Variants in NFATC1 observed in about 807,000 individuals in gnomAD.
NFATC1 encodes nuclear factor of activated T cells 1.
A neutral mutation model predicts 76.0 loss-of-function variants in NFATC1; 22 were observed. The observed-to-expected ratio is 0.29, with a 90% confidence interval of 0.21 to 0.41. The LOEUF is 0.41. Ranked by LOEUF, NFATC1 falls within the 10% of genes least tolerant of loss-of-function variation. The probability of loss-of-function intolerance (pLI) is 1.00; values close to 1 mark genes in which losing one functional copy is unlikely to be tolerated. For synonymous variants in NFATC1, 704 were observed against 613.1 expected, an observed-to-expected ratio of 1.15 and a Z score of -2.19; for missense variants, 1,357 against 1,337.7, an observed-to-expected ratio of 1.01 and a Z score of -0.23.
intron 2 of NFATC1, among the ~76,000 whole-genome samples, chr18:79,420,619 G>C (rs996291920): frequency 1.3e-5 from 2 of 151,678 alleles, no homozygotes; most frequent in African/African-American, 4.9e-5. Context: ...TCGCTGCAGA[G>C]GGGAAGAGGT....
intron 3 of NFATC1, among the ~76,000 whole-genome samples, chr18:79,439,514 A>G (rs59209224): frequency 0.017 from 2,631 of 152,330 alleles, 72 homozygotes; most frequent in African/African-American, 0.059. Context: ...TGGAACCTAG[A>G]CAACAGCCCT....
intron 2 of NFATC1, among the ~76,000 whole-genome samples, chr18:79,425,740 AG>A (rs991773939): frequency 1.3e-5 from 2 of 152,216 alleles, no homozygotes; most frequent in Non-Finnish European, 2.9e-5. Flanking sequence ...GGGACATGGC[AG>A]GGCCTCAGGC....
At chr18:79,445,860 C>T (rs1307682490) in intron 3 of NFATC1, among the ~76,000 whole-genome samples, 2 of 152,166 alleles carry the variant, frequency 1.3e-5, no homozygotes, top group Non-Finnish European at 2.9e-5. Context: ...CCTCCCTCCC[C>T]TGGGTGCACG....
chr18:79,414,734 A>C (rs1002850123), intron 2 of NFATC1, among the ~76,000 whole-genome samples: 1 of 152,160 alleles, frequency 6.6e-6, no homozygotes, highest in African/African-American at 2.4e-5. Flanking sequence ...TAAGCTGTGA[A>C]TTCTGGCATC....
chr18:79,448,960 T>A lies in NFATC1; in HGVS notation c.1565T>A (p.Leu522Gln), dbSNP rs1480437515. Residue 522 changes from leucine (L) to glutamine (Q), a missense_variant, in exon 4 of 10, where the codon CTG (leucine) becomes CAG (glutamine). Leu to Gln is a moderately radical substitution (Grantham distance 113, BLOSUM62 -2). Transcript: ENST00000427363. ...SNTKVLEIPL[L>Q]PENSMRAVID... ...ACCAAAGTCCTGGAGATCCCACTCC[T>A]GCCGGAGAACAGCATGCGAGCCGTG... 2.5e-6 allele frequency: 4 copies of A among 1,613,280 alleles called. No homozygotes were observed. Among genetic ancestry groups the A allele is most frequent in the Non-Finnish European group, 3.4e-6 (4 of 1,179,998 alleles).
chr18:79,416,058 G>A (rs568049068), intron 2 of NFATC1, among the ~76,000 whole-genome samples: 16 of 152,294 alleles, frequency 1.1e-4, no homozygotes, highest in African/African-American at 1.4e-4. Flanking sequence ...GCGAGACTCC[G>A]TCTCCAAACA....
chr18:79,411,196 C>T lies in NFATC1; in HGVS notation c.921C>T (p.Tyr307=), dbSNP rs1436668948. The change falls in exon 2 of 10, where the codon TAC becomes TAT. Residue 307 remains tyrosine (Y), a synonymous_variant. Coordinates refer to ENST00000427363, the MANE Select transcript of NFATC1 (RefSeq NM_001278669.2). ...DDSWLGNTTQ[Y]TSSAIVAAIN... ...CGTGGTTGGGCAACACCACCCAGTA[C>T]ACCAGCTCGGCCATCGTGGCCGCCA... The T allele has an allele frequency of 2.5e-6, 4 of 1,610,680 alleles. No individual in the cohort carries two copies. The highest frequency in any genetic ancestry group is 3.4e-6 in the Non-Finnish European group (4 of 1,179,872).
intron 8 of NFATC1, 84 bp from the exon 9 acceptor site, chr18:79,486,164 G>T: frequency 1.5e-6 from 2 of 1,303,354 alleles, no homozygotes. Flanking sequence ...TGTTGGTTTT[G>T]CGGAGGGTGC....
intron 3 of NFATC1, among the ~76,000 whole-genome samples, chr18:79,438,030 A>AGGTGGAGGCT (rs1286245004): frequency 2.6e-5 from 4 of 152,340 alleles, no homozygotes; most frequent in African/African-American, 9.6e-5. Context: ...CTGGGCGTGA[A>AGGTGGAGGCT]GGTGGAGGCT....
Position 79,465,287 on chromosome 18 carries a change from T to C in NFATC1, c.1960-2163T>C, listed in dbSNP as rs1180154752. ...AATTTGTCTATTTAGAGAGTTGAAG[T>C]GGGTTGGCCTGTGCCCACATCAACA... On this transcript the variant is annotated intron_variant, in intron 7 of 9. Coordinates refer to ENST00000427363, the MANE Select transcript of NFATC1 (RefSeq NM_001278669.2). The surrounding 1 kb of genome is among the most constrained non-coding windows in gnomAD (Gnocchi z 4.2). 6.6e-6 allele frequency among the ~76,000 whole-genome samples: 1 copy of C among 152,182 alleles called. No individual in the cohort carries two copies. The highest frequency in any genetic ancestry group is 2.4e-5 in the African/African-American group (1 of 41,440).
In NFATC1 at chr18:79,410,902, C is replaced by T. The variant is rs541173783; in HGVS notation, c.627C>T (p.Cys209=). ...AGACGTCGCCATGGCAGTCTCCCTG[C>T]GTGTCTCCCAAGACCACGGACCCCG... ...SPQTSPWQSP[C]VSPKTTDPEE... The change falls in exon 2 of 10, where the codon TGC becomes TGT. Residue 209 remains cysteine (C), a synonymous_variant. Transcript: ENST00000427363. This position sits in a 1 kb window ranked among gnomAD's most constrained non-coding sequence, Gnocchi z 6.7. 3.8e-5 allele frequency: 61 copies of T among 1,608,350 alleles called. No individual in the cohort carries two copies. In the Middle Eastern group the frequency reaches 5.0e-4, roughly 13 times the overall value.
chr18:79,411,519 G>A lies in NFATC1; in HGVS notation c.1226+18G>A. On this transcript the variant is annotated intron_variant, in intron 2 of 9. Transcript: ENST00000427363. The stretch of plus-strand genomic sequence containing the variant: ...TACATGAGGTGAGCCGGCAGCGCGG[G>A]GCGGGACGGGGAGGCGAGGGGAGGC... 6.9e-7 allele frequency: 1 copy of A among 1,439,670 alleles called. No homozygotes were observed. The highest frequency in any genetic ancestry group is 9.1e-7 in the Non-Finnish European group (1 of 1,097,962). 89.2% of individuals were successfully genotyped at this position (1,439,670 alleles called of 1,614,324 possible).
chr18:79,436,747 C>T (rs1041395439), intron 3 of NFATC1, among the ~76,000 whole-genome samples: 3 of 151,954 alleles, frequency 2.0e-5, no homozygotes, highest in South Asian at 2.1e-4. Flanking sequence ...GTCCGGCATC[C>T]GGGTACCTGT....
At chr18:79,405,089 C>G (rs12606132) in intron 1 of NFATC1, among the ~76,000 whole-genome samples, 1 of 152,000 alleles carries the variant, frequency 6.6e-6, no homozygotes, top group African/African-American at 2.4e-5. Flanking sequence ...CCCGCGTGGC[C>G]GTCTGTCCTA....
At chr18:79,520,613 G>GT (rs2090504377) in intron 9 of NFATC1, among the ~76,000 whole-genome samples, 13 of 91,658 alleles carry the variant, frequency 1.4e-4, no homozygotes, top group Admixed American at 2.2e-4. Context: ...GTGTGTGTGT[G>GT]GGGGGGGCAT....
rs1292909337 is a variant in NFATC1, at chr18:79,469,398, C to T, written c.2092+1816C>T. 8.1e-6 allele frequency: 8 copies of T among 985,448 alleles called. No homozygotes were observed. In the East Asian group the frequency reaches 3.4e-4, roughly 42 times the overall value. The allele number at this position is 985,448 out of a possible 1,614,324, so 61.0% of individuals were successfully genotyped here. ...TCACGTATCTCAGAGGCAGAAGGGG[C>T]GTGCGGGGAGCGTGCCTGCCCTTCA... On this transcript the variant is annotated intron_variant, in intron 8 of 9. Coordinates refer to ENST00000427363, the MANE Select transcript of NFATC1 (RefSeq NM_001278669.2).
In NFATC1 at chr18:79,396,196, C is replaced by T; in HGVS notation, c.-29C>T. On this transcript the variant is annotated 5_prime_UTR_variant, in exon 1 of 10. Transcript: ENST00000427363. ...GCCGCTTCTCCTGTGCCTCCGCCCGCCGCTCCACTCCCCGCCGCCGCCGCG... is the reference window on the plus strand; with the variant it reads ...GCCGCTTCTCCTGTGCCTCCGCCCGTCGCTCCACTCCCCGCCGCCGCCGCG... 3 of 1,459,084 alleles carry T rather than the reference C, an allele frequency of 2.1e-6. No homozygotes were observed. Among genetic ancestry groups the T allele is most frequent in the Non-Finnish European group, 2.7e-6 (3 of 1,095,738 alleles). The allele number at this position is 1,459,084 out of a possible 1,614,324, so 90.4% of individuals were successfully genotyped here.
At chr18:79,402,838 A>G (rs1452289752) in intron 1 of NFATC1, among the ~76,000 whole-genome samples, 2 of 152,378 alleles carry the variant, frequency 1.3e-5, no homozygotes, top group East Asian at 1.9e-4. Context: ...ACATTGTTAA[A>G]TGATTACATT....
intron 1 of NFATC1, among the ~76,000 whole-genome samples, chr18:79,404,798 G>T (rs1290213646): frequency 1.3e-5 from 2 of 152,186 alleles, no homozygotes; most frequent in African/African-American, 4.8e-5. Flanking sequence ...TGGCTGTCTG[G>T]GAACTGCGTG....
Sources: gnomAD v4.1 joint callset for allele counts (sites outside exome capture counted in the v4.1 genomes callset) on GRCh38, gnomAD v4.1.1 for gene constraint, Gnocchi (gnomAD v3.1) non-coding constraint, MANE v1.5 for transcripts, NCBI Gene and HGNC (gene_info 2026-07-23, HGNC 2026-07-21) for gene names.